Variants in MBTD1 observed in about 807,000 individuals in gnomAD.
MBTD1 encodes the protein mbt domain containing 1, also known as MBT domain-containing protein 1.
Under a neutral mutation model 87.8 loss-of-function variants are expected in MBTD1, and 24 were observed. The ratio of observed to expected loss-of-function variants is 0.27; its 90% CI spans 0.20 to 0.38. MBTD1 has a LOEUF of 0.38. Ranked by LOEUF, MBTD1 falls within the 10% of genes least tolerant of loss-of-function variation. The probability of loss-of-function intolerance (pLI) is 1.00; values close to 1 mark genes in which losing one functional copy is unlikely to be tolerated. For missense variants in MBTD1, 436 were observed against 760.2 expected, an observed-to-expected ratio of 0.57 and a Z score of 5.02; for synonymous variants, 237 against 248.6, an observed-to-expected ratio of 0.95 and a Z score of 0.44.
At position 51,259,891 on chromosome 17, in the gene MBTD1, G is replaced by A. The variant is rs1006514440; in HGVS notation, c.-169C>T. The A allele has an allele frequency of 1.2e-4, 150 of 1,231,528 alleles. No homozygotes were observed. The highest frequency in any genetic ancestry group is 1.4e-4 in the Non-Finnish European group (137 of 987,752). 76.3% of individuals were successfully genotyped at this position (1,231,528 alleles called of 1,614,324 possible). On this transcript the variant is annotated 5_prime_UTR_variant, in exon 1 of 17. Transcript: ENST00000586178. ...TGGGTAGGGGTTGTCCGTGCTCCCC[G>A]AGCCCGCGGCGCCCCCTCCCCGGGC...
Position 51,179,483 on chromosome 17 carries a change from TTTATATATATATA to T in MBTD1, c.*1080_*1092del, listed in dbSNP as rs1165417795. The T allele has an allele frequency of 8.4e-3, 311 of 37,044 alleles. 16 individuals carry two copies. Among genetic ancestry groups the T allele is most frequent in the African/African-American group, 0.046 (280 of 6,118 alleles). 2.3% of individuals were successfully genotyped at this position (37,044 alleles called of 1,614,324 possible). A position where few individuals can be genotyped will look rare whatever the true frequency, so the allele number is the denominator to read the frequency against. On this transcript the variant is annotated 3_prime_UTR_variant, in exon 17 of 17. Transcript: ENST00000586178. ...AATCCTGAATACAATTAAAGACAAT[TTTATATATATATA>T]TATATATATATATATATATATATAT... is the stretch of plus-strand genomic sequence containing the variant.
chr17:51,217,306 A>C (rs2052625837), intron 6 of MBTD1, 28 bp downstream of exon 6: 2 of 1,357,832 alleles, frequency 1.5e-6, no homozygotes, highest in Non-Finnish European at 2.0e-6. Context: ...TAAGTACTTC[A>C]AAATAAGGTG....
intron 3 of MBTD1, among the ~76,000 whole-genome samples, chr17:51,222,188 T>C (rs189942856): frequency 1.2e-3 from 177 of 152,362 alleles, no homozygotes; most frequent in African/African-American, 4.0e-3. Context: ...GTTCATCTGC[T>C]ATCTCCAGTA....
chr17:51,226,414 G>GATCA (rs892406140), intron 2 of MBTD1, among the ~76,000 whole-genome samples: 2 of 151,154 alleles, frequency 1.3e-5, no homozygotes, highest in Non-Finnish European at 2.9e-5. Flanking sequence ...TATGTGGGAG[G>GATCA]ATCACTAGAG....
At chr17:51,205,497 A>C (rs1335296720) in intron 7 of MBTD1, among the ~76,000 whole-genome samples, 2 of 152,234 alleles carry the variant, frequency 1.3e-5, no homozygotes, top group East Asian at 3.8e-4. Context: ...AGAATAATAC[A>C]AGCATTTAGT....
chr17:51,217,532 G>A (rs1235028436), intron 5 of MBTD1, 116 bp from the exon 6 acceptor site: 22 of 544,848 alleles, frequency 4.0e-5, no homozygotes, highest in Middle Eastern at 4.6e-4. Flanking sequence ...TTTAAAGAAC[G>A]TTTTCTTTAT....
rs761039350 is a variant in MBTD1 at position 51,203,915 on chromosome 17, G to A, written c.615C>T (p.Ala205=). 1.2e-6 allele frequency: 2 copies of A among 1,602,032 alleles called. No individual in the cohort carries two copies. The highest frequency in any genetic ancestry group is 1.7e-6 in the Non-Finnish European group (2 of 1,176,610). The part of the protein sequence containing the change: ...AGIVKLAGYN[A]LLRYEGFEND... ...TTTCAAATCCTTCATATCTTAAAAG[G>A]GCATTGTAACCTGAAACCCAGAAAT... is the stretch of plus-strand genomic sequence containing the variant. The change falls in exon 8 of 17, where the codon GCC becomes GCT. Residue 205 remains alanine, a synonymous_variant. Transcript: ENST00000586178.
upstream of MBTD1, chr17:51,260,506 G>T (rs114131498): frequency 0.038 from 55,237 of 1,457,070 alleles, 1,607 homozygotes; most frequent in African/African-American, 0.15. Context: ...GGGCTTCGGC[G>T]GCGGCGGCCC....
intron 7 of MBTD1, among the ~76,000 whole-genome samples, chr17:51,206,414 A>G (rs533558508): frequency 1.1e-3 from 167 of 152,128 alleles, no homozygotes; most frequent in African/African-American, 3.9e-3. Flanking sequence ...AGCTCTTACC[A>G]CTTTTTTTAG....
At chr17:51,205,996 T>C (rs1455833092) in intron 7 of MBTD1, among the ~76,000 whole-genome samples, 1 of 152,170 alleles carries the variant, frequency 6.6e-6, no homozygotes, top group Admixed American at 6.5e-5. Context: ...CACAATGCCC[T>C]ACTACACTAC....
rs2055366369 is a variant in MBTD1 at position 51,259,858 on chromosome 17, G to A, written c.-136C>T. 2 of 1,231,838 alleles carry A rather than the reference G, an allele frequency of 1.6e-6. No homozygotes were observed. The highest frequency in any genetic ancestry group is 1.0e-6 in the Non-Finnish European group (1 of 987,886). The allele number at this position is 1,231,838 out of a possible 1,614,324, so 76.3% of individuals were successfully genotyped here. A position where few individuals can be genotyped will look rare whatever the true frequency, so the allele number is the denominator to read the frequency against. On this transcript the variant is annotated 5_prime_UTR_variant, in exon 1 of 17. Transcript: ENST00000586178. ...ACCAGATCCTTTGTGTTTTCCATCA[G>A]GGCCTCATGGGTAGGGGTTGTCCGT...
chr17:51,242,002 T>A (rs2054187728), intron 2 of MBTD1, among the ~76,000 whole-genome samples: 1 of 152,222 alleles, frequency 6.6e-6, no homozygotes, highest in South Asian at 2.1e-4. Context: ...TCTGAGCATT[T>A]CCTTACTTTC....
rs2051874995 is a variant in MBTD1 at position 51,206,868 on chromosome 17, C to T, written c.604+20G>A. The T allele has an allele frequency of 6.8e-7, 1 of 1,469,648 alleles. No individual in the cohort carries two copies. Among genetic ancestry groups the T allele is most frequent in the African/African-American group, 1.4e-5 (1 of 71,888 alleles). 91.0% of individuals were successfully genotyped at this position (1,469,648 alleles called of 1,614,324 possible). Reference sequence around the variant, plus strand: ...AAGGATCTCTGCATTTTCTACTAAACTATTATTCATGCTTTTCACCTGCTA... The same window carrying T: ...AAGGATCTCTGCATTTTCTACTAAATTATTATTCATGCTTTTCACCTGCTA... On this transcript the variant is annotated intron_variant, in intron 7 of 16. Coordinates refer to ENST00000586178, the MANE Select transcript of MBTD1 (RefSeq NM_017643.3).
chr17:51,203,707 A>G, intron 8 of MBTD1, 84 bp downstream of exon 8: 1 of 1,453,898 alleles, frequency 6.9e-7, no homozygotes, highest in South Asian at 1.2e-5. Flanking sequence ...TTTAATTTCC[A>G]TATTACTCTA....
At chr17:51,260,752 G>A (rs1412305642), upstream of MBTD1, 2 of 1,581,858 alleles carry the variant, frequency 1.3e-6, no homozygotes, top group Non-Finnish European at 1.7e-6. Flanking sequence ...GGCCGAGCGC[G>A]GCGGCCGCTG....
chr17:51,182,962 T>C (rs1371340334), intron 16 of MBTD1, among the ~76,000 whole-genome samples: 8 of 152,212 alleles, frequency 5.3e-5, no homozygotes, highest in African/African-American at 1.9e-4. Flanking sequence ...CATGTCTTTA[T>C]TTTTTTAGTA....
chr17:51,259,752 G>T, intron 1 of MBTD1, 83 bp downstream of exon 1: 1 of 1,195,014 alleles, frequency 8.4e-7, no homozygotes, highest in Non-Finnish European at 1.0e-6. Flanking sequence ...CGGGGTCAGG[G>T]AGCTGCGGGG....
At chr17:51,257,194 CTCTT>C (rs1231627047) in intron 2 of MBTD1, among the ~76,000 whole-genome samples, 1 of 152,200 alleles carries the variant, frequency 6.6e-6, no homozygotes, top group African/African-American at 2.4e-5. Flanking sequence ...TAAGTCCTTT[CTCTT>C]TTATTGTCCT....
chr17:51,188,846 G>C (rs1443550902), intron 16 of MBTD1, among the ~76,000 whole-genome samples: 1 of 137,556 alleles, frequency 7.3e-6, no homozygotes, highest in African/African-American at 2.7e-5. Context: ...TGCAACCTCC[G>C]CCTCCCAGGT....
Sources: gnomAD v4.1 joint callset for allele counts (sites outside exome capture counted in the v4.1 genomes callset) on GRCh38, gnomAD v4.1.1 for gene constraint, MANE v1.5 for transcripts, NCBI Gene and HGNC (gene_info 2026-07-23, HGNC 2026-07-21) for gene names.